The following AFAP1L2 variants were observed in gnomAD, a reference collection of about 807,000 sequenced individuals.
AFAP1L2 encodes actin filament associated protein 1 like 2.
A neutral mutation model predicts 99.3 loss-of-function variants in AFAP1L2; 46 were observed. The ratio of observed to expected loss-of-function variants is 0.46; its 90% CI spans 0.37 to 0.59. The LOEUF (loss-of-function observed/expected upper bound fraction) is 0.59. Among genes scored for constraint, AFAP1L2 ranks in the 20% least tolerant of loss-of-function variants. The pLI is 0.00. For synonymous variants in AFAP1L2, 397 were observed against 419.1 expected (o/e 0.95, Z 0.64); for missense variants, 959 against 1,034.9 (o/e 0.93, Z 1.01).
chr10:114,366,004 G>A (rs2053188575), intron 1 of AFAP1L2, among the ~76,000 whole-genome samples: 1 of 152,078 alleles, frequency 6.6e-6, no homozygotes, highest in Non-Finnish European at 1.5e-5. Flanking sequence ...CCAAAGTGCT[G>A]AGATTATAGG....
intron 1 of AFAP1L2, among the ~76,000 whole-genome samples, chr10:114,389,106 A>G (rs987989184): frequency 1.3e-5 from 2 of 152,214 alleles, no homozygotes; most frequent in Admixed American, 1.3e-4. Flanking sequence ...CCCTGAGCCC[A>G]CATCCAAAAG....
intron 16 of AFAP1L2, among the ~76,000 whole-genome samples, chr10:114,298,920 G>A (rs2040677326): frequency 6.6e-6 from 1 of 152,196 alleles, no homozygotes; most frequent in Non-Finnish European, 1.5e-5. Context: ...AAAATCTGCA[G>A]TGCCAGGTCC....
At chr10:114,363,286 G>T in intron 1 of AFAP1L2, 1 of 588,002 alleles carries the variant, frequency 1.7e-6, no homozygotes, top group Non-Finnish European at 2.1e-6. Flanking sequence ...CATGTAGCCT[G>T]CAGAATTCAC....
the AFAP1L2 span, chr10:114,286,473 C>G: frequency 1.3e-6 from 2 of 1,596,430 alleles, no homozygotes; most frequent in Non-Finnish European, 1.7e-6. Flanking sequence ...AACCAAATCC[C>G]TGAGCTGCAG....
intron 9 of AFAP1L2, 152 bp from the exon 10 acceptor site, chr10:114,308,061 C>A: frequency 1.5e-6 from 1 of 683,744 alleles, no homozygotes; most frequent in Non-Finnish European, 2.6e-6. Context: ...CACACACACA[C>A]ATCTCCTCAA....
At chr10:114,404,360 A>G in intron 1 of AFAP1L2, 80 bp downstream of exon 1, 5 of 1,439,330 alleles carry the variant, frequency 3.5e-6, no homozygotes, top group Middle Eastern at 3.4e-4. Flanking sequence ...AGTCCTGGCA[A>G]GACGAGTCCT....
chr10:114,297,777 C>T (rs542385546), intron 16 of AFAP1L2, among the ~76,000 whole-genome samples: 2 of 151,656 alleles, frequency 1.3e-5, no homozygotes, highest in South Asian at 4.1e-4. Flanking sequence ...CTTGACCTGC[C>T]CTACCAAGTT....
chr10:114,403,132 G>T (rs570421148), intron 1 of AFAP1L2, among the ~76,000 whole-genome samples: 1 of 152,352 alleles, frequency 6.6e-6, no homozygotes, highest in Admixed American at 6.5e-5. Flanking sequence ...CACCGGGTTA[G>T]AAATGCGAGA....
chr10:114,297,465 G>A, intron 16 of AFAP1L2, 52 bp from the exon 17 acceptor site: 3 of 1,575,886 alleles, frequency 1.9e-6, no homozygotes, highest in Non-Finnish European at 2.6e-6. Context: ...GCCCAGGCCA[G>A]GGAGCCCTGC....
intron 2 of AFAP1L2, among the ~76,000 whole-genome samples, chr10:114,339,383 C>G (rs1419941086): frequency 6.6e-6 from 1 of 152,104 alleles, no homozygotes; most frequent in African/African-American, 2.4e-5. Context: ...GAAGGCGGAG[C>G]TTACAGTGAG....
chr10:114,295,880 G>A lies in AFAP1L2; in HGVS notation c.*162C>T. 4 of 1,494,894 alleles carry A rather than the reference G, an allele frequency of 2.7e-6. No individual in the cohort carries two copies. The highest frequency in any genetic ancestry group is 3.6e-6 in the Non-Finnish European group (4 of 1,124,364). 92.6% of individuals were successfully genotyped at this position (1,494,894 alleles called of 1,614,324 possible). On this transcript the variant is annotated 3_prime_UTR_variant, in exon 19 of 19. Coordinates refer to ENST00000304129, the MANE Select transcript of AFAP1L2 (RefSeq NM_001001936.3). ...GTATTATTTCCTTTGGCTCTGAAAA[G>A]GGACAGAGCCTCCTCTTAGCTGAAG...
intron 2 of AFAP1L2, 24 bp downstream of exon 2, chr10:114,340,579 G>A (rs367742734): frequency 3.7e-5 from 59 of 1,609,972 alleles, no homozygotes; most frequent in Non-Finnish European, 4.8e-5. Flanking sequence ...GGAGGCCTCT[G>A]CACCACCCAG....
chr10:114,392,855 C>T (rs1316750866), intron 1 of AFAP1L2, among the ~76,000 whole-genome samples: 1 of 152,160 alleles, frequency 6.6e-6, no homozygotes, highest in Non-Finnish European at 1.5e-5. Flanking sequence ...GAACAAGGTC[C>T]TTTGCACTCT....
intron 1 of AFAP1L2, among the ~76,000 whole-genome samples, chr10:114,399,535 C>A (rs930551296): frequency 3.3e-5 from 5 of 152,174 alleles, no homozygotes; most frequent in African/African-American, 1.2e-4. Context: ...GATATTATAT[C>A]CTATTTCTGA....
Position 114,377,327 on chromosome 10 carries a change from C to T in AFAP1L2, c.16+27113G>A, listed in dbSNP as rs2054939174. Among the ~76,000 whole-genome samples, 1 of 152,134 alleles carries T rather than the reference C, an allele frequency of 6.6e-6. No homozygotes were observed. The highest frequency in any genetic ancestry group is 1.5e-5 in the Non-Finnish European group (1 of 68,030). The stretch of plus-strand genomic sequence containing the variant: ...CCCTTCAGAGAGGCCAGTTCCAAGG[C>T]AAGAATCAAATGTGGCTTGAAGCAT... On this transcript the variant is annotated intron_variant, in intron 1 of 18. Transcript: ENST00000304129. This position sits in a 1 kb window ranked among gnomAD's most constrained non-coding sequence, Gnocchi z 4.0.
chr10:114,295,623 G>A lies in AFAP1L2; in HGVS notation c.*419C>T. 1 of 998,360 alleles carries A rather than the reference G, an allele frequency of 1.0e-6. No homozygotes were observed. The highest frequency in any genetic ancestry group is 1.2e-6 in the Non-Finnish European group (1 of 838,244). The allele number at this position is 998,360 out of a possible 1,614,324, so 61.8% of individuals were successfully genotyped here. A position where few individuals can be genotyped will look rare whatever the true frequency, so the allele number is the denominator to read the frequency against. On this transcript the variant is annotated 3_prime_UTR_variant, in exon 19 of 19. Coordinates refer to ENST00000304129, the MANE Select transcript of AFAP1L2 (RefSeq NM_001001936.3). Reference sequence around the variant, plus strand: ...GCTAAGTATTGGATAAGAGATGATGGCCAGGAGTTTAGGTCTTCTCACTCA... The same window carrying A: ...GCTAAGTATTGGATAAGAGATGATGACCAGGAGTTTAGGTCTTCTCACTCA...
At chr10:114,383,977 C>T (rs1048310617) in intron 1 of AFAP1L2, among the ~76,000 whole-genome samples, 1 of 152,194 alleles carries the variant, frequency 6.6e-6, no homozygotes. Flanking sequence ...GAAGCAGGCC[C>T]CGCCTTCCGG....
chr10:114,378,178 C>T (rs781366574), intron 1 of AFAP1L2, among the ~76,000 whole-genome samples: 5 of 152,188 alleles, frequency 3.3e-5, no homozygotes, highest in East Asian at 3.9e-4. Flanking sequence ...CTCAAGACAG[C>T]GGCTTACAAT....
Position 114,312,234 on chromosome 10 carries a change from AGTGTGTGTGTGTGTGTGTGT to A in AFAP1L2, c.792+1617_792+1636del, listed in dbSNP as rs58275552. On this transcript the variant is annotated intron_variant, in intron 7 of 18. Transcript: ENST00000304129. ...AGCGGGGAACTGGGGGCAAGAGCAG[AGTGTGTGTGTGTGTGTGTGT>A]GTGTGTGTGTGTGTGTGTGTGTGTG... Among the ~76,000 whole-genome samples the A allele has an allele frequency of 5.2e-4, 76 of 145,602 alleles. 1 individual carries two copies. Among genetic ancestry groups the A allele is most frequent in the South Asian group, 4.8e-3 (21 of 4,406 alleles).
Sources: gnomAD v4.1 joint callset for allele counts (sites outside exome capture counted in the v4.1 genomes callset) on GRCh38, gnomAD v4.1.1 for gene constraint, Gnocchi (gnomAD v3.1) non-coding constraint, MANE v1.5 for transcripts, NCBI Gene and HGNC (gene_info 2026-07-23, HGNC 2026-07-21) for gene names.